TMTC1: variants seen among roughly 807,000 people sequenced by gnomAD.
The protein encoded by TMTC1 is transmembrane O-mannosyltransferase targeting cadherins 1, also known as protein O-mannosyl-transferase TMTC1.
Under a neutral mutation model 104.8 loss-of-function variants are expected in TMTC1, and 73 were observed. The ratio of observed to expected loss-of-function variants is 0.70; its 90% CI spans 0.58 to 0.85. TMTC1 has a LOEUF of 0.85. Among genes scored for constraint, TMTC1 ranks in the 40% least tolerant of loss-of-function variants. TMTC1 has a pLI of 0.00. For missense variants in TMTC1, 1,035 were observed against 1,096.1 expected (o/e 0.94, Z 0.79); for synonymous variants, 434 against 428.7 (o/e 1.01, Z -0.15).
At chr12:29,644,083 A>AT (rs1340839916) in intron 5 of TMTC1, among the ~76,000 whole-genome samples, 7 of 42,014 alleles carry the variant, frequency 1.7e-4, no homozygotes, top group African/African-American at 7.1e-4. Flanking sequence ...AGATAAATAT[A>AT]AATATAAATA....
intron 13 of TMTC1, among the ~76,000 whole-genome samples, chr12:29,518,177 A>G (rs190674322): frequency 8.5e-5 from 13 of 152,252 alleles, no homozygotes; most frequent in Admixed American, 7.2e-4. Flanking sequence ...CATTTTTTAA[A>G]TTGCTGTTTA....
intron 8 of TMTC1, among the ~76,000 whole-genome samples, chr12:29,572,905 A>T (rs1372244207): frequency 6.6e-5 from 10 of 152,236 alleles, no homozygotes; most frequent in Non-Finnish European, 1.0e-4. Flanking sequence ...TTTTCATAAA[A>T]TGAGAATAGC....
intron 7 of TMTC1, among the ~76,000 whole-genome samples, chr12:29,596,161 C>T (rs2136372014): frequency 6.6e-6 from 1 of 152,278 alleles, no homozygotes; most frequent in South Asian, 2.1e-4. Flanking sequence ...CATGCGCCAC[C>T]ACGCCTGGAT....
At chr12:29,762,214 C>A (rs545945056) in intron 2 of TMTC1, among the ~76,000 whole-genome samples, 1 of 152,222 alleles carries the variant, frequency 6.6e-6, no homozygotes, top group Admixed American at 6.5e-5. Flanking sequence ...GGAGGTAAAC[C>A]ATTCAAGGTC....
At chr12:29,625,422 A>G (rs1937930109) in intron 6 of TMTC1, among the ~76,000 whole-genome samples, 1 of 152,206 alleles carries the variant, frequency 6.6e-6, no homozygotes, top group East Asian at 1.9e-4. Flanking sequence ...AAACCAGGCC[A>G]CAAAAACATG....
intron 6 of TMTC1, among the ~76,000 whole-genome samples, chr12:29,615,443 C>T (rs1946952047): frequency 1.3e-5 from 2 of 152,206 alleles, no homozygotes; most frequent in East Asian, 1.9e-4. Context: ...GGTGAAGATA[C>T]AAATTTTTAA....
chr12:29,554,152 C>G (rs1592222968), intron 10 of TMTC1, among the ~76,000 whole-genome samples: 1 of 152,252 alleles, frequency 6.6e-6, no homozygotes, highest in East Asian at 1.9e-4. Context: ...ATCCTTAGAA[C>G]TTCACATAAA....
intron 1 of TMTC1, among the ~76,000 whole-genome samples, chr12:29,777,788 C>A (rs550950689): frequency 2.6e-5 from 4 of 152,288 alleles, no homozygotes; most frequent in African/African-American, 9.6e-5. Context: ...ACATCCTAGA[C>A]AATCTAGTCA....
At chr12:29,560,565 C>T (rs1244465552) in intron 9 of TMTC1, among the ~76,000 whole-genome samples, 1 of 151,634 alleles carries the variant, frequency 6.6e-6, no homozygotes. Flanking sequence ...TTGAGACCAG[C>T]CTGGACAACA....
chr12:29,709,043 T>C (rs1941829885), intron 5 of TMTC1, among the ~76,000 whole-genome samples: 1 of 152,212 alleles, frequency 6.6e-6, no homozygotes, highest in African/African-American at 2.4e-5. Flanking sequence ...AAGAGTCAAA[T>C]GCCAAGATGA....
At chr12:29,586,145 G>C (rs1592275102) in intron 7 of TMTC1, among the ~76,000 whole-genome samples, 2 of 152,142 alleles carry the variant, frequency 1.3e-5, no homozygotes, top group South Asian at 2.1e-4. Flanking sequence ...TCCTTGATGA[G>C]GTCCTTCACA....
At chr12:29,686,373 T>C (rs2350662) in intron 5 of TMTC1, among the ~76,000 whole-genome samples, 21,045 of 152,190 alleles carry the variant, frequency 0.14, 1,738 homozygotes, top group East Asian at 0.34. Flanking sequence ...ACATACTACA[T>C]GCCAGTGCAC....
chr12:29,568,736 T>C (rs1298529073), intron 9 of TMTC1: 1 of 339,216 alleles, frequency 2.9e-6, no homozygotes, highest in Non-Finnish European at 5.9e-6. Context: ...ATCAATATCT[T>C]GACTTTATTC....
rs377682592 is a variant in TMTC1 at position 29,755,896 on chromosome 12, A to C, written c.555-11T>G. ...CCCTGATCCAGACTCCTGAAAAACA[A>C]GTTGGAGATTCTTTTAATCTAAGAA... On this transcript the variant is annotated splice_polypyrimidine_tract_variant and intron_variant, in intron 3 of 17. Transcript: ENST00000539277. 6.4e-5 allele frequency: 103 copies of C among 1,611,854 alleles called. 1 individual carries two copies. Among genetic ancestry groups the C allele is most frequent in the Non-Finnish European group, 8.6e-5 (101 of 1,179,292 alleles).
intron 9 of TMTC1, 23 bp downstream of exon 9, chr12:29,572,082 C>T: frequency 7.6e-6 from 12 of 1,587,650 alleles, no homozygotes; most frequent in Non-Finnish European, 1.0e-5. Context: ...CCAAGGCCAA[C>T]ACCCTCCCTG....
intron 5 of TMTC1, among the ~76,000 whole-genome samples, chr12:29,730,146 T>C (rs16934846): frequency 0.035 from 5,322 of 152,226 alleles, 181 homozygotes; most frequent in African/African-American, 0.09. Flanking sequence ...TCATTTTCAT[T>C]TAACAAACTC....
rs35279918 is a variant in TMTC1 at position 29,506,892 on chromosome 12, C to T, written c.2603G>A (p.Arg868His). The T allele has an allele frequency of 2.5e-5, 40 of 1,613,950 alleles. No homozygotes were observed. The highest frequency in any genetic ancestry group is 3.3e-5 in the Admixed American group (2 of 59,982). ...AACTTCTTGTAATCGTTTTTCTAGGCGATCCAATTTGGCAAGATTTTCCTT... is the reference window on the plus strand; with the variant it reads ...AACTTCTTGTAATCGTTTTTCTAGGTGATCCAATTTGGCAAGATTTTCCTT... ...LLKENLAKLD[R>H]LEKRLQEVRE... The change falls in exon 18 of 18, where the codon CGC becomes CAC. Residue 868 changes from arginine (R) to histidine (H), a missense_variant. Arg to His is a conservative substitution (Grantham distance 29). Transcript: ENST00000539277.
intron 5 of TMTC1, among the ~76,000 whole-genome samples, chr12:29,739,275 A>T (rs1942763092): frequency 6.6e-6 from 1 of 151,996 alleles, no homozygotes; most frequent in Non-Finnish European, 1.5e-5. Context: ...CTGCTTGCTC[A>T]TAGTTGCACG....
intron 9 of TMTC1, among the ~76,000 whole-genome samples, chr12:29,565,940 C>A (rs1467059413): frequency 2.6e-5 from 4 of 152,244 alleles, no homozygotes; most frequent in Non-Finnish European, 5.9e-5. Context: ...GTTCCTGGCA[C>A]TCTCCTTCAT....
Sources: allele counts gnomAD v4.1 joint callset (sites outside exome capture counted in the v4.1 genomes callset), GRCh38; gene constraint gnomAD v4.1.1; transcripts MANE v1.5; gene names NCBI Gene and HGNC (gene_info 2026-07-23, HGNC 2026-07-21).